Variants in GGTA1 observed in about 807,000 individuals in gnomAD.
GGTA1 encodes the protein inactive N-acetyllactosaminide alpha-1,3-galactosyltransferase.
In GGTA1, 5 loss-of-function variants were observed where a neutral mutation model predicts 2.6. That is an observed-to-expected ratio of 1.92 (90% confidence interval 1.00 to 4.04). GGTA1 has a LOEUF of 4.04. Among genes scored for constraint, GGTA1 ranks in the 30% most tolerant of loss-of-function variants. The pLI is 0.00. For missense variants in GGTA1, 50 were observed against 16.7 expected (o/e 2.99, Z -3.47); for synonymous variants, 17 against 5.0 (o/e 3.38, Z -3.19).
At chr9:121,462,035 G>C (rs1468689377) in intron 3 of GGTA1, among the ~76,000 whole-genome samples, 1 of 152,170 alleles carries the variant, frequency 6.6e-6, no homozygotes, top group African/African-American at 2.4e-5. Context: ...GTCTCTTCAA[G>C]GTGGGGGGTC....
Position 121,467,887 on chromosome 9 carries a change from C to G in GGTA1, c.36G>C (p.Leu12=). ...ACACAATGATCACAGTTGAGACAACCAGCATTGACAGAATTACTTTTCCTT... is the reference window on the plus strand; with the variant it reads ...ACACAATGATCACAGTTGAGACAACGAGCATTGACAGAATTACTTTTCCTT... ...NVKGKVILSM[L]VVSTVIIVFW... is the part of the protein sequence containing the mutation. The change falls in exon 2 of 6, where the codon CTG becomes CTC. Residue 12 remains leucine, a synonymous_variant. Coordinates refer to ENST00000481799, the MANE Select transcript of GGTA1 (RefSeq NM_001382585.1). The G allele has an allele frequency of 2.2e-6, 1 of 456,076 alleles. No homozygotes were observed. Among genetic ancestry groups the G allele is most frequent in the Non-Finnish European group, 4.4e-6 (1 of 226,770 alleles). The allele number at this position is 456,076 out of a possible 1,614,324, so 28.3% of individuals were successfully genotyped here. A position where few individuals can be genotyped will look rare whatever the true frequency, so the allele number is the denominator to read the frequency against.
chr9:121,458,625 C>CAAATAAATAAATAAATAAAT (rs141109769), intron 5 of GGTA1, among the ~76,000 whole-genome samples: 1 of 143,798 alleles, frequency 7.0e-6, no homozygotes, highest in African/African-American at 2.6e-5. Flanking sequence ...GACCCTGTCT[C>CAAATAAATAAATAAATAAAT]AAATAAATAA....
At chr9:121,474,740 T>G (rs116046911) in intron 1 of GGTA1, among the ~76,000 whole-genome samples, 10 of 152,274 alleles carry the variant, frequency 6.6e-5, no homozygotes, top group African/African-American at 2.2e-4. Context: ...CTCAGCTGAA[T>G]GCCATGCACT....
intron 1 of GGTA1, among the ~76,000 whole-genome samples, chr9:121,469,676 A>C (rs1458590678): frequency 2.0e-5 from 3 of 151,832 alleles, no homozygotes; most frequent in Non-Finnish European, 2.9e-5. Flanking sequence ...ATCTTCAAAA[A>C]CCTCTCTGGC....
rs972075911 is a variant in GGTA1 at position 121,480,430 on chromosome 9, C to T, written c.-9-12499G>A. 3.3e-5 allele frequency among the ~76,000 whole-genome samples: 5 copies of T among 152,272 alleles called. No individual in the cohort carries two copies. The East Asian group carries it at 5.8e-4, about 18-fold the overall frequency. On this transcript the variant is annotated intron_variant, in intron 1 of 5. Coordinates refer to ENST00000481799, the MANE Select transcript of GGTA1 (RefSeq NM_001382585.1). ...AACAAAATCATTCTCAGAATCCCCA[C>T]GACCTGAAACAGAGCACACGGAGTC...
At chr9:121,467,298 AT>A (rs1253969251) in intron 2 of GGTA1, among the ~76,000 whole-genome samples, 1 of 152,090 alleles carries the variant, frequency 6.6e-6, no homozygotes, top group African/African-American at 2.4e-5. Flanking sequence ...TGCTTAATTC[AT>A]TTTGCTTTTC....
At chr9:121,475,425 T>C (rs1411173966) in intron 1 of GGTA1, among the ~76,000 whole-genome samples, 1 of 152,124 alleles carries the variant, frequency 6.6e-6, no homozygotes, top group African/African-American at 2.4e-5. Context: ...TCCTCTACTC[T>C]CCTAATAAAC....
At chr9:121,475,172 GA>G (rs1828481462) in intron 1 of GGTA1, among the ~76,000 whole-genome samples, 1 of 152,146 alleles carries the variant, frequency 6.6e-6, no homozygotes, top group African/African-American at 2.4e-5. Context: ...GAAGCCGGCT[GA>G]AACCCACCAA....
At chr9:121,456,825 C>T (rs2064915306) in intron 5 of GGTA1, among the ~76,000 whole-genome samples, 1 of 152,218 alleles carries the variant, frequency 6.6e-6, no homozygotes, top group Admixed American at 6.5e-5. Context: ...ACATGCGCCA[C>T]TGCATCTAGC....
chr9:121,470,143 G>A (rs1281143051), intron 1 of GGTA1, among the ~76,000 whole-genome samples: 1 of 152,142 alleles, frequency 6.6e-6, no homozygotes, highest in African/African-American at 2.4e-5. Context: ...GTCTCCTCTT[G>A]TGATCACACT....
intron 1 of GGTA1, among the ~76,000 whole-genome samples, chr9:121,469,156 G>T (rs1286240138): frequency 6.6e-6 from 1 of 152,110 alleles, no homozygotes; most frequent in Non-Finnish European, 1.5e-5. Context: ...AGAATAACAG[G>T]CCAGGAAGTA....
At chr9:121,457,269 A>T (rs1223381873) in intron 5 of GGTA1, among the ~76,000 whole-genome samples, 2 of 152,234 alleles carry the variant, frequency 1.3e-5, no homozygotes, top group African/African-American at 4.8e-5. Flanking sequence ...CATGTGAGAC[A>T]TGCAGAGATG....
At chr9:121,473,118 G>A (rs1049265619) in intron 1 of GGTA1, among the ~76,000 whole-genome samples, 1 of 151,982 alleles carries the variant, frequency 6.6e-6, no homozygotes, top group African/African-American at 2.4e-5. Flanking sequence ...TCAGGAGTTC[G>A]AGACCAGCCT....
chr9:121,449,439 C>T (rs957415822), intron 7 of GGTA1, among the ~76,000 whole-genome samples: 1 of 152,196 alleles, frequency 6.6e-6, no homozygotes, highest in Non-Finnish European at 1.5e-5. Flanking sequence ...TCCTGTTGCT[C>T]CACATCCTTG....
At position 121,455,540 on chromosome 9, in the gene GGTA1, G is replaced by A. The variant is rs1007921849; in HGVS notation, c.*297C>T. 4 of 158,222 alleles carry A rather than the reference G, an allele frequency of 2.5e-5. No individual in the cohort carries two copies. The South Asian group carries it at 7.3e-4, about 29-fold the overall frequency. 9.8% of individuals were successfully genotyped at this position (158,222 alleles called of 1,614,324 possible). On this transcript the variant is annotated 3_prime_UTR_variant, in exon 6 of 6. Coordinates refer to ENST00000481799, the MANE Select transcript of GGTA1 (RefSeq NM_001382585.1). ...ATCATTCCCATTTTGCAGATAAAGT[G>A]GAGGGTAGGAAAGAAGGAGAAGGGT...
At chr9:121,493,330 C>G (rs772822578) in intron 1 of GGTA1, among the ~76,000 whole-genome samples, 1 of 152,110 alleles carries the variant, frequency 6.6e-6, no homozygotes, top group Non-Finnish European at 1.5e-5. Flanking sequence ...CTGTGCCCAC[C>G]GAGGGCTCCA....
intron 1 of GGTA1, among the ~76,000 whole-genome samples, chr9:121,482,276 T>C (rs186049732): frequency 2.6e-4 from 40 of 152,094 alleles, no homozygotes; most frequent in African/African-American, 9.6e-4. Context: ...GAGACCAGTC[T>C]AGGCAATACA....
intron 1 of GGTA1, among the ~76,000 whole-genome samples, chr9:121,493,314 C>T (rs1418225860): frequency 6.6e-6 from 1 of 152,046 alleles, no homozygotes; most frequent in Non-Finnish European, 1.5e-5. Context: ...TACCTCCATT[C>T]CCTACCTGTG....
intron 1 of GGTA1, among the ~76,000 whole-genome samples, chr9:121,470,515 C>T (rs1828366357): frequency 6.6e-6 from 1 of 152,158 alleles, no homozygotes; most frequent in Admixed American, 6.5e-5. Flanking sequence ...ATGGGCTAGA[C>T]ATGCAGTTGG....
Sources: gnomAD v4.1 joint callset for allele counts (sites outside exome capture counted in the v4.1 genomes callset) on GRCh38, gnomAD v4.1.1 for gene constraint, MANE v1.5 for transcripts, NCBI Gene and HGNC (gene_info 2026-07-23, HGNC 2026-07-21) for gene names.